LAMA2: variants seen among roughly 807,000 people sequenced by gnomAD.
The protein encoded by LAMA2 is laminin subunit alpha 2, also known as laminin subunit alpha-2.
In LAMA2, 269 loss-of-function variants were observed where a neutral mutation model predicts 364.8. That is an observed-to-expected ratio of 0.74 (90% CI 0.67 to 0.82). The LOEUF (loss-of-function observed/expected upper bound fraction) is 0.82, where lower values mean the gene tolerates loss of function less well. LAMA2 is among the 40% of genes least tolerant of loss of function. The pLI is 0.00. For missense variants in LAMA2, 3,807 were observed against 3,873.2 expected (o/e 0.98, Z 0.45); for synonymous variants, 1,379 against 1,370.6 (o/e 1.01, Z -0.14).
chr6:129,122,668 T>C (rs1776866124), intron 4 of LAMA2, among the ~76,000 whole-genome samples: 1 of 152,160 alleles, frequency 6.6e-6, no homozygotes. Flanking sequence ...AGGGCAGTTG[T>C]TCACAACTGA....
At chr6:129,186,016 G>A (rs1299398361) in intron 10 of LAMA2, among the ~76,000 whole-genome samples, 1 of 151,542 alleles carries the variant, frequency 6.6e-6, no homozygotes, top group African/African-American at 2.4e-5. Context: ...TACGCAAATT[G>A]AAAAGAATCA....
chr6:129,004,500 A>G (rs1028810614), intron 1 of LAMA2, among the ~76,000 whole-genome samples: 1 of 151,418 alleles, frequency 6.6e-6, no homozygotes, highest in African/African-American at 2.4e-5. Flanking sequence ...ACTTGCACCT[A>G]TATGTACTTC....
chr6:129,326,677 AAC>A (rs1168957401), intron 28 of LAMA2, among the ~76,000 whole-genome samples: 1 of 145,870 alleles, frequency 6.9e-6, no homozygotes, highest in African/African-American at 2.6e-5. Flanking sequence ...GTATGTCAAT[AAC>A]ACAACAATTT....
At chr6:129,514,275 T>A in intron 63 of LAMA2, 98 bp from the exon 64 acceptor site, 1 of 902,786 alleles carries the variant, frequency 1.1e-6, no homozygotes, top group Non-Finnish European at 1.8e-6. Context: ...TGATTCTGGC[T>A]GATGTCTTTC....
chr6:129,145,705 C>T (rs1017929968), intron 5 of LAMA2, among the ~76,000 whole-genome samples: 1 of 151,798 alleles, frequency 6.6e-6, no homozygotes, highest in Non-Finnish European at 1.5e-5. Context: ...CAGTATAAGT[C>T]AACATATAAA....
At position 129,315,521 on chromosome 6, in the gene LAMA2, G is replaced by T. The variant is rs770796865; in HGVS notation, c.3601G>T (p.Ala1201Ser). Residue 1201 changes from alanine (A) to serine (S), a missense_variant, in exon 25 of 65, where the codon GCT becomes TCT. Physicochemically the swap from Ala to Ser is moderately conservative, Grantham distance 99 (BLOSUM62 1). This residue lies in a region of LAMA2 where 3,333 missense variants were observed against 3,345.7 expected (regional missense o/e 1.00). Transcript: ENST00000421865. Reference protein sequence around the residue: ...EQTILPLVDEALQHTTTKGIV... With the variant: ...EQTILPLVDESLQHTTTKGIV... ...GACCATTCTACCCCTGGTAGATGAG[G>T]CTCTGCAGCACACGACCACCAAGGG... 1.2e-6 allele frequency: 2 copies of T among 1,614,150 alleles called. No homozygotes were observed. Among genetic ancestry groups the T allele is most frequent in the South Asian group, 2.2e-5 (2 of 91,078 alleles).
At chr6:129,133,600 A>G (rs1490936095) in intron 4 of LAMA2, among the ~76,000 whole-genome samples, 1 of 152,148 alleles carries the variant, frequency 6.6e-6, no homozygotes, top group African/African-American at 2.4e-5. Context: ...AATGTTAAGA[A>G]CATTAGAAAT....
chr6:129,443,813 T>A (rs1782235107), intron 44 of LAMA2, among the ~76,000 whole-genome samples: 1 of 152,144 alleles, frequency 6.6e-6, no homozygotes, highest in Admixed American at 6.5e-5. Flanking sequence ...AAATTTAATA[T>A]ATCACTATTT....
chr6:129,209,503 T>G (rs1425106925), intron 12 of LAMA2, among the ~76,000 whole-genome samples: 1 of 152,216 alleles, frequency 6.6e-6, no homozygotes, highest in Non-Finnish European at 1.5e-5. Flanking sequence ...GACAGCTTGA[T>G]CCCATAAAAC....
chr6:129,464,211 A>C, intron 49 of LAMA2, 79 bp from the exon 50 acceptor site: 1 of 1,237,554 alleles, frequency 8.1e-7, no homozygotes, highest in Non-Finnish European at 1.2e-6. Flanking sequence ...CTATAGTCTC[A>C]TTGCTATTCA....
chr6:128,927,704 A>G lies in LAMA2; in HGVS notation c.112+44347A>G, dbSNP rs551737378. 4.1e-3 allele frequency among the ~76,000 whole-genome samples: 622 copies of G among 152,244 alleles called. 5 individuals carry two copies. The highest frequency in any genetic ancestry group is 0.014 in the African/African-American group (593 of 41,542). The stretch of plus-strand genomic sequence containing the variant: ...ACCATTAGATTCCTACTAGATCCCT[A>G]TCTTTCTTCCCGTTACTATATCAGT... On this transcript the variant is annotated intron_variant, in intron 1 of 64. Coordinates refer to ENST00000421865, the MANE Select transcript of LAMA2 (RefSeq NM_000426.4).
chr6:129,280,997 C>T (rs892613354), intron 18 of LAMA2, among the ~76,000 whole-genome samples: 1 of 152,122 alleles, frequency 6.6e-6, no homozygotes, highest in Non-Finnish European at 1.5e-5. Context: ...ACCCCTGTTT[C>T]AACCAGGATG....
intron 34 of LAMA2, among the ~76,000 whole-genome samples, chr6:129,379,918 T>C (rs899216063): frequency 1.3e-5 from 2 of 152,188 alleles, no homozygotes; most frequent in African/African-American, 4.8e-5. Context: ...GATCATTGGT[T>C]TGATTGTCAT....
At chr6:128,970,279 G>A (rs145517754) in intron 1 of LAMA2, among the ~76,000 whole-genome samples, 19 of 152,204 alleles carry the variant, frequency 1.2e-4, no homozygotes, top group African/African-American at 4.3e-4. Flanking sequence ...ACGTGACAAG[G>A]TTTAAAAAAA....
chr6:129,330,584 G>GT (rs1775571823), intron 29 of LAMA2, among the ~76,000 whole-genome samples: 1 of 93,364 alleles, frequency 1.1e-5, no homozygotes, highest in Admixed American at 1.2e-4. Flanking sequence ...TTTTTTTGTT[G>GT]TTGTTTGGTT....
intron 1 of LAMA2, among the ~76,000 whole-genome samples, chr6:128,910,834 T>G (rs1777871836): frequency 1.3e-5 from 2 of 149,930 alleles, no homozygotes; most frequent in Non-Finnish European, 3.0e-5. Context: ...GTCCTTTCTG[T>G]TTATTAGTTT....
intron 34 of LAMA2, among the ~76,000 whole-genome samples, chr6:129,375,522 T>A (rs894467660): frequency 1.3e-5 from 2 of 152,238 alleles, no homozygotes. Context: ...ACTGGATACT[T>A]ATTAATTTTA....
intron 1 of LAMA2, among the ~76,000 whole-genome samples, chr6:128,898,900 TCCAGAGCATTGTTCCATTAGATC>T (rs1305428238): frequency 6.6e-6 from 1 of 152,198 alleles, no homozygotes; most frequent in Non-Finnish European, 1.5e-5. Context: ...TGTTCCTCTG[TCCAGAGCATTGTTCCATTAGATC>T]CCTGATGGCT....
rs772990245 is a variant in LAMA2, at chr6:129,427,869, A to T, written c.5968+15A>T. On this transcript the variant is annotated intron_variant, in intron 41 of 64. Coordinates refer to ENST00000421865, the MANE Select transcript of LAMA2 (RefSeq NM_000426.4). ...TGATGTAAAAGGTCAGTGTGGCCAT[A>T]GTTTTTATTATATTCCAGTTAATCG... 5 of 1,481,358 alleles carry T rather than the reference A, an allele frequency of 3.4e-6. No homozygotes were observed. The highest frequency in any genetic ancestry group is 3.8e-6 in the Non-Finnish European group (4 of 1,059,472). 91.8% of individuals were successfully genotyped at this position (1,481,358 alleles called of 1,614,324 possible).
Sources: gnomAD v4.1 joint callset for allele counts (sites outside exome capture counted in the v4.1 genomes callset) on GRCh38, gnomAD v4.1.1 for gene constraint, gnomAD v4.1.1 regional missense constraint, MANE v1.5 for transcripts, NCBI Gene and HGNC (gene_info 2026-07-23, HGNC 2026-07-21) for gene names.